The following PMVK variants were observed in gnomAD, a reference collection of about 807,000 sequenced individuals.
PMVK encodes testis tissue sperm-binding protein Li 95mP.
In PMVK, 10 loss-of-function variants were observed where a neutral mutation model predicts 19.0. That is an observed-to-expected ratio of 0.53 (90% CI 0.32 to 0.89). The LOEUF (loss-of-function observed/expected upper bound fraction) is 0.89, where lower values mean the gene tolerates loss of function less well. Ranked by LOEUF, PMVK falls within the 40% of genes least tolerant of loss-of-function variation. The probability of loss-of-function intolerance (pLI) is 0.03; values close to 1 mark genes in which losing one functional copy is unlikely to be tolerated. For synonymous variants in PMVK, 108 were observed against 101.6 expected (o/e 1.06, Z -0.38); for missense variants, 222 against 251.1 (o/e 0.88, Z 0.78).
At chr1:154,934,107 C>G (rs1654427987) in intron 1 of PMVK, among the ~76,000 whole-genome samples, 1 of 152,182 alleles carries the variant, frequency 6.6e-6, no homozygotes. Context: ...TTAAGCTATT[C>G]TCCTGCCTCA....
At chr1:154,938,184 A>G (rs1654569555), upstream of PMVK, 2 of 152,214 alleles carry the variant, frequency 1.3e-5, no homozygotes, top group African/African-American at 2.4e-5. Context: ...CTCCTGTTTT[A>G]CCTGAGTCAC....
Position 154,924,846 on chromosome 1 carries a change from G to A in PMVK, c.*283C>T. ...AGGATGCAAGGCCACCACAGGCTGAGGGGACTGGCACTGGGGATATGGCAG... is the reference window on the plus strand; with the variant it reads ...AGGATGCAAGGCCACCACAGGCTGAAGGGACTGGCACTGGGGATATGGCAG... On this transcript the variant is annotated 3_prime_UTR_variant, in exon 5 of 5. Coordinates refer to ENST00000368467, the MANE Select transcript of PMVK (RefSeq NM_006556.4). 1 of 422,426 alleles carries A rather than the reference G, an allele frequency of 2.4e-6. No individual in the cohort carries two copies. The allele number at this position is 422,426 out of a possible 1,614,324, so 26.2% of individuals were successfully genotyped here. A position where few individuals can be genotyped will look rare whatever the true frequency, so the allele number is the denominator to read the frequency against.
At chr1:154,926,878 G>A (rs984996028) in intron 3 of PMVK, among the ~76,000 whole-genome samples, 2 of 152,092 alleles carry the variant, frequency 1.3e-5, no homozygotes, top group Non-Finnish European at 2.9e-5. Flanking sequence ...TGATTACAGT[G>A]TATGTCAACA....
At chr1:154,941,232 C>T (rs917861429), upstream of PMVK, among the ~76,000 whole-genome samples, 2 of 152,142 alleles carry the variant, frequency 1.3e-5, no homozygotes, top group East Asian at 3.9e-4. Flanking sequence ...AACAGGTGAG[C>T]GGGGAAGGGG....
At chr1:154,935,142 G>A (rs1049859775) in intron 1 of PMVK, among the ~76,000 whole-genome samples, 1 of 151,122 alleles carries the variant, frequency 6.6e-6, no homozygotes, top group Non-Finnish European at 1.5e-5. Context: ...AATCAACAGT[G>A]AGCCAGGGTT....
In PMVK at chr1:154,924,901, C is replaced by G; in HGVS notation, c.*228G>C. The G allele has an allele frequency of 1.8e-6, 1 of 551,930 alleles. No individual in the cohort carries two copies. The allele number at this position is 551,930 out of a possible 1,614,324, so 34.2% of individuals were successfully genotyped here. A position where few individuals can be genotyped will look rare whatever the true frequency, so the allele number is the denominator to read the frequency against. On this transcript the variant is annotated 3_prime_UTR_variant, in exon 5 of 5. Transcript: ENST00000368467. ...TCGCCTTCAAGCACAGCCAAGACAC[C>G]CTCCTTTGCCCTTGGAGTCTCCTCC...
upstream of PMVK, among the ~76,000 whole-genome samples, chr1:154,940,358 T>A (rs573917173): frequency 3.9e-5 from 6 of 152,298 alleles, no homozygotes; most frequent in African/African-American, 1.4e-4. Flanking sequence ...CGAAGGTAAG[T>A]GCCCCATGCT....
chr1:154,940,005 G>C (rs1320113160), upstream of PMVK, among the ~76,000 whole-genome samples: 2 of 151,728 alleles, frequency 1.3e-5, no homozygotes. Flanking sequence ...TCGAACTCCT[G>C]GCCTCAAGCC....
At chr1:154,937,826 G>GGTTTTTT (rs1406348077), upstream of PMVK, 3 of 152,110 alleles carry the variant, frequency 2.0e-5, no homozygotes, top group African/African-American at 7.2e-5. Flanking sequence ...TTAAGGAGGT[G>GGTTTTTT]GTTTTTTGTT....
upstream of PMVK, chr1:154,937,083 G>A (rs951641784): frequency 1.0e-5 from 2 of 194,932 alleles, no homozygotes; most frequent in African/African-American, 2.3e-5. Flanking sequence ...ATTTCCTGAG[G>A]TGAACCCCAT....
At chr1:154,926,291 G>A (rs895272204) in intron 4 of PMVK, 63 bp downstream of exon 4, 98 of 1,530,784 alleles carry the variant, frequency 6.4e-5, no homozygotes, top group Non-Finnish European at 7.0e-5. Flanking sequence ...AGGCCTGCCC[G>A]GTAGACAAAC....
intron 1 of PMVK, 197 bp downstream of exon 1, chr1:154,936,394 C>A (rs1209811999): frequency 1.0e-6 from 1 of 985,378 alleles, no homozygotes. Flanking sequence ...GAGGTGGTCA[C>A]CTGCTTCTTT....
intron 1 of PMVK, among the ~76,000 whole-genome samples, chr1:154,935,244 G>A (rs1654467128): frequency 1.3e-5 from 2 of 151,970 alleles, no homozygotes; most frequent in African/African-American, 4.8e-5. Context: ...CTTAGGAAAA[G>A]GTGGTGAGAT....
upstream of PMVK, among the ~76,000 whole-genome samples, chr1:154,938,249 A>G (rs1311473031): frequency 2.0e-5 from 3 of 152,098 alleles, no homozygotes; most frequent in Non-Finnish European, 4.4e-5. Context: ...GACCCAATGC[A>G]CGCCCCTTAC....
At chr1:154,929,714 C>A (rs1248514552) in intron 2 of PMVK, among the ~76,000 whole-genome samples, 1 of 152,058 alleles carries the variant, frequency 6.6e-6, no homozygotes, top group East Asian at 1.9e-4. Flanking sequence ...TGGGCACTTG[C>A]AAGGCCTCCC....
Position 154,936,661 on chromosome 1 carries a change from G to A in PMVK, c.25C>T (p.Arg9Trp), listed in dbSNP as rs1425770885. ...TTGCCGCTGAACAGCAGTACCAGCC[G>A]CGGGGCGCCTCCCAGCGGGGCCATG... Reference protein sequence around the residue: MAPLGGAPRLVLLFSGKRK... With the variant: MAPLGGAPWLVLLFSGKRK... The change falls in exon 1 of 5, where the codon CGG becomes TGG. Residue 9 changes from arginine (R) to tryptophan (W), a missense_variant. Transcript: ENST00000368467. 12 of 1,608,302 alleles carry A rather than the reference G, an allele frequency of 7.5e-6. No individual in the cohort carries two copies. The highest frequency in any genetic ancestry group is 1.0e-5 in the Non-Finnish European group (12 of 1,177,878).
At chr1:154,939,704 CAAAAAAA>C (rs79939253), upstream of PMVK, among the ~76,000 whole-genome samples, 6 of 117,614 alleles carry the variant, frequency 5.1e-5, no homozygotes, top group South Asian at 2.5e-4. Flanking sequence ...GACTCCATCT[CAAAAAAA>C]AAAAAAAAAA....
chr1:154,926,846 A>G (rs1431618489), intron 3 of PMVK, among the ~76,000 whole-genome samples: 3 of 152,208 alleles, frequency 2.0e-5, no homozygotes, highest in Admixed American at 1.3e-4. Flanking sequence ...CTGAACAAGT[A>G]TTCAGTAATC....
chr1:154,929,060 G>T lies in PMVK; in HGVS notation c.276C>A (p.Cys92Ter), dbSNP rs1654257047. ...GGGAGATGCCCTCCACAATCTTCCT[G>T]CAAAAGAAGCCTGGGTCAGCCTGGC... ...EKRQADPGFF[C>*]RKIVEGISQP... Residue 92 changes from cysteine (C) to a stop codon, truncating the protein, a stop_gained, in exon 3 of 5, where the codon TGC becomes TGA. Coordinates refer to ENST00000368467, the MANE Select transcript of PMVK (RefSeq NM_006556.4). LOFTEE classifies it high-confidence loss of function. 1.9e-6 allele frequency: 3 copies of T among 1,614,050 alleles called. No homozygotes were observed. The highest frequency in any genetic ancestry group is 2.5e-6 in the Non-Finnish European group (3 of 1,180,004).
Sources: allele counts gnomAD v4.1 joint callset (sites outside exome capture counted in the v4.1 genomes callset), GRCh38; gene constraint gnomAD v4.1.1; transcripts MANE v1.5; gene names NCBI Gene and HGNC (gene_info 2026-07-23, HGNC 2026-07-21).